The following LRP1B variants were observed in gnomAD, a reference collection of about 807,000 sequenced individuals.
LRP1B encodes LDL receptor related protein 1B.
In LRP1B, 217 loss-of-function variants were observed where a neutral mutation model predicts 556.6. The observed-to-expected ratio is 0.39, with a 90% CI of 0.35 to 0.44. The LOEUF is 0.44. Ranked by LOEUF, LRP1B falls within the 20% of genes least tolerant of loss-of-function variation. The pLI is 1.00. For missense variants in LRP1B, 5,053 were observed against 5,620.8 expected (o/e 0.90, Z 3.23); for synonymous variants, 2,047 against 1,865.8 (o/e 1.10, Z -2.50).
At chr2:140,460,808 G>T (rs1687285172) in intron 60 of LRP1B, among the ~76,000 whole-genome samples, 1 of 151,974 alleles carries the variant, frequency 6.6e-6, no homozygotes, top group Admixed American at 6.6e-5. Flanking sequence ...CAAGCACTAG[G>T]TTCCTAATTT....
At chr2:141,947,826 A>AC (rs58668396) in intron 1 of LRP1B, among the ~76,000 whole-genome samples, 2 of 148,936 alleles carry the variant, frequency 1.3e-5, no homozygotes, top group Admixed American at 6.7e-5. Context: ...GAAAAAAAAA[A>AC]CAACAATACT....
At chr2:140,708,182 G>A (rs1240368906) in intron 37 of LRP1B, among the ~76,000 whole-genome samples, 1 of 151,972 alleles carries the variant, frequency 6.6e-6, no homozygotes, top group African/African-American at 2.4e-5. Flanking sequence ...CATAAATGTA[G>A]GGGCTTGAAC....
At chr2:140,484,387 G>C (rs952717400) in intron 59 of LRP1B, among the ~76,000 whole-genome samples, 2 of 152,102 alleles carry the variant, frequency 1.3e-5, no homozygotes, top group Non-Finnish European at 2.9e-5. Flanking sequence ...TCTAATTGTT[G>C]CATATGGTAT....
chr2:141,311,822 G>A (rs1686823910), intron 3 of LRP1B, among the ~76,000 whole-genome samples: 1 of 152,078 alleles, frequency 6.6e-6, no homozygotes, highest in Admixed American at 6.5e-5. Context: ...CTCAGTATAT[G>A]GTATTCAGTT....
chr2:141,150,675 T>C (rs1019677155), intron 7 of LRP1B, among the ~76,000 whole-genome samples: 2 of 152,186 alleles, frequency 1.3e-5, no homozygotes, highest in African/African-American at 4.8e-5. Context: ...CCAAAATCCC[T>C]GTTGCTAGTC....
chr2:141,356,224 C>A (rs1688622241), intron 3 of LRP1B, among the ~76,000 whole-genome samples: 1 of 152,118 alleles, frequency 6.6e-6, no homozygotes, highest in South Asian at 2.1e-4. Flanking sequence ...TGGCAGAAAC[C>A]AGAAACCAGT....
intron 37 of LRP1B, among the ~76,000 whole-genome samples, chr2:140,711,034 G>T (rs1687014170): frequency 6.6e-6 from 1 of 151,982 alleles, no homozygotes; most frequent in Non-Finnish European, 1.5e-5. Context: ...TAAAATAGAA[G>T]AGAATGATTT....
chr2:142,064,802 T>C (rs1008709316), intron 1 of LRP1B, among the ~76,000 whole-genome samples: 4 of 151,504 alleles, frequency 2.6e-5, no homozygotes, highest in African/African-American at 9.7e-5. Flanking sequence ...GATGATAAAA[T>C]AAAAAAGAAG....
intron 66 of LRP1B, among the ~76,000 whole-genome samples, chr2:140,397,121 T>A (rs1263178427): frequency 1.3e-5 from 2 of 152,110 alleles, no homozygotes; most frequent in Non-Finnish European, 2.9e-5. Context: ...TATGCTTGAT[T>A]TTATTATCTG....
At chr2:140,442,414 A>C in intron 66 of LRP1B, 90 bp downstream of exon 66, 1 of 1,495,176 alleles carries the variant, frequency 6.7e-7, no homozygotes, top group Non-Finnish European at 9.0e-7. Context: ...CTTAGCTTCA[A>C]AAGAATTGTG....
intron 1 of LRP1B, among the ~76,000 whole-genome samples, chr2:141,881,373 C>T (rs1698952329): frequency 6.6e-6 from 1 of 151,834 alleles, no homozygotes; most frequent in Non-Finnish European, 1.5e-5. Context: ...AGTAAGAAAG[C>T]CAAATCTTGG....
At chr2:140,688,158 G>T (rs1158564627) in intron 41 of LRP1B, among the ~76,000 whole-genome samples, 2 of 151,304 alleles carry the variant, frequency 1.3e-5, no homozygotes, top group Non-Finnish European at 2.9e-5. Flanking sequence ...TTTTTACACA[G>T]AAACATGGGG....
Position 141,231,050 on chromosome 2 carries a change from G to A in LRP1B, c.593-1610C>T, listed in dbSNP as rs528596246. Reference sequence around the variant, plus strand: ...AGACTTTAGAAACATTTCATGAAACGCAACAAAAATAATTTATTTAACCTA... The same window carrying A: ...AGACTTTAGAAACATTTCATGAAACACAACAAAAATAATTTATTTAACCTA... On this transcript the variant is annotated intron_variant, in intron 5 of 90. Coordinates refer to ENST00000389484, the MANE Select transcript of LRP1B (RefSeq NM_018557.3). Among the ~76,000 whole-genome samples the A allele has an allele frequency of 1.1e-4, 17 of 152,306 alleles. 1 individual carries two copies. Among genetic ancestry groups the A allele is most frequent in the African/African-American group, 3.6e-4 (15 of 41,556 alleles).
At chr2:141,544,353 T>TTC (rs1323014516) in intron 2 of LRP1B, among the ~76,000 whole-genome samples, 15 of 90,828 alleles carry the variant, frequency 1.7e-4, no homozygotes, top group African/African-American at 4.9e-4. Context: ...CTTCTTCTTC[T>TTC]TCTTCTTCTT....
chr2:140,808,083 C>T (rs1213693124), intron 32 of LRP1B, among the ~76,000 whole-genome samples: 1 of 152,118 alleles, frequency 6.6e-6, no homozygotes, highest in Non-Finnish European at 1.5e-5. Context: ...CAGAGTGAGA[C>T]TCCATCTCCA....
chr2:141,628,643 T>C (rs1688789393), intron 2 of LRP1B, among the ~76,000 whole-genome samples: 1 of 152,118 alleles, frequency 6.6e-6, no homozygotes, highest in Non-Finnish European at 1.5e-5. Context: ...GTTTCTGTTA[T>C]AAACAAGTTT....
chr2:140,327,354 CAAGTAATGTAT>C (rs1680541817), intron 79 of LRP1B, among the ~76,000 whole-genome samples: 1 of 152,008 alleles, frequency 6.6e-6, no homozygotes, highest in South Asian at 2.1e-4. Context: ...TTTTGTTCCT[CAAGTAATGTAT>C]AGAGATGTAT....
intron 1 of LRP1B, among the ~76,000 whole-genome samples, chr2:142,086,899 C>A (rs1428291261): frequency 6.6e-6 from 1 of 152,046 alleles, no homozygotes; most frequent in Non-Finnish European, 1.5e-5. Context: ...TTCCTTAACT[C>A]CACTTTATAT....
chr2:140,817,803 A>T (rs192627767), intron 31 of LRP1B, among the ~76,000 whole-genome samples: 784 of 76,372 alleles, frequency 0.01, 11 homozygotes, highest in African/African-American at 0.022. Flanking sequence ...ATAAAAAAGG[A>T]ATTTAAAAAA....
Sources: allele counts gnomAD v4.1 joint callset (sites outside exome capture counted in the v4.1 genomes callset), GRCh38; gene constraint gnomAD v4.1.1; transcripts MANE v1.5; gene names NCBI Gene and HGNC (gene_info 2026-07-23, HGNC 2026-07-21).